The following ASH1L variants were observed in gnomAD, a reference collection of about 807,000 sequenced individuals.
ASH1L encodes the protein ASH1 like histone lysine methyltransferase, also known as histone-lysine N-methyltransferase ASH1L.
A neutral mutation model predicts 269.0 loss-of-function variants in ASH1L; 23 were observed. The observed-to-expected ratio is 0.09, with a 90% CI of 0.06 to 0.12. The LOEUF (loss-of-function observed/expected upper bound fraction) is 0.12, where lower values mean the gene tolerates loss of function less well. Among genes scored for constraint, ASH1L ranks in the 10% least tolerant of loss-of-function variants. The pLI is 1.00. For missense variants in ASH1L, 2,912 were observed against 3,567.8 expected, an observed-to-expected ratio of 0.82 and a Z score of 4.68; for synonymous variants, 1,187 against 1,253.5, an observed-to-expected ratio of 0.95 and a Z score of 1.12.
At chr1:155,562,836 TC>T (rs370662294), upstream of ASH1L, 1,776 of 401,088 alleles carry the variant, frequency 4.4e-3, 13 homozygotes, top group African/African-American at 0.033. Context: ...TCTTCTCTCC[TC>T]CCCCCCCTTC....
rs748191461 is a variant in ASH1L, at chr1:155,336,334, GGTGTGTGTGTGTGT to G, written c.*1312_*1325del. 9.4e-6 allele frequency: 1 copy of G among 106,324 alleles called. No individual in the cohort carries two copies. The highest frequency in any genetic ancestry group is 3.5e-4 in the South Asian group (1 of 2,844). The allele number at this position is 106,324 out of a possible 1,614,324, so 6.6% of individuals were successfully genotyped here. A position where few individuals can be genotyped will look rare whatever the true frequency, so the allele number is the denominator to read the frequency against. On this transcript the variant is annotated 3_prime_UTR_variant, in exon 28 of 28. Coordinates refer to ENST00000392403, the MANE Select transcript of ASH1L (RefSeq NM_018489.3). ...TGTATTGCTTACCAATCACACAGCA[GGTGTGTGTGTGTGT>G]GTGTATATATATACACACACACATA...
At chr1:155,422,504 TC>T (rs901244443) in intron 5 of ASH1L, among the ~76,000 whole-genome samples, 1 of 151,600 alleles carries the variant, frequency 6.6e-6, no homozygotes, top group Non-Finnish European at 1.5e-5. Flanking sequence ...TGCCTCTGCC[TC>T]CCAAAGTGGG....
intron 5 of ASH1L, among the ~76,000 whole-genome samples, chr1:155,417,506 CTG>C (rs1660312688): frequency 6.6e-6 from 1 of 152,136 alleles, no homozygotes; most frequent in Non-Finnish European, 1.5e-5. Context: ...TACCAGAAAA[CTG>C]TAACCTGAGC....
At chr1:155,541,838 G>T (rs1362698434) in intron 1 of ASH1L, among the ~76,000 whole-genome samples, 1 of 151,790 alleles carries the variant, frequency 6.6e-6, no homozygotes, top group Non-Finnish European at 1.5e-5. Flanking sequence ...TATTAAACTG[G>T]GAGGAAAGTA....
chr1:155,342,319 T>C (rs1464728850), intron 24 of ASH1L, among the ~76,000 whole-genome samples: 3 of 152,118 alleles, frequency 2.0e-5, no homozygotes, highest in Non-Finnish European at 4.4e-5. Context: ...TACAGCAGAA[T>C]GGATGGAAAT....
chr1:155,514,677 T>G (rs1668384358), intron 2 of ASH1L, among the ~76,000 whole-genome samples: 1 of 152,132 alleles, frequency 6.6e-6, no homozygotes, highest in South Asian at 2.1e-4. Context: ...AACAACGCAT[T>G]TGGCCCAGGA....
intron 1 of ASH1L, among the ~76,000 whole-genome samples, chr1:155,541,496 C>CA (rs1199797576): frequency 6.6e-6 from 1 of 151,878 alleles, no homozygotes; most frequent in African/African-American, 2.4e-5. Context: ...ACTAAAATCA[C>CA]AAAAAAATTA....
intron 10 of ASH1L, among the ~76,000 whole-genome samples, chr1:155,371,487 G>A (rs923802881): frequency 1.3e-5 from 2 of 152,122 alleles, no homozygotes; most frequent in East Asian, 1.9e-4. Flanking sequence ...GGTGGAGGTC[G>A]CAGTAAGCAG....
At chr1:155,461,726 AG>A (rs763447809) in intron 3 of ASH1L, among the ~76,000 whole-genome samples, 3 of 152,108 alleles carry the variant, frequency 2.0e-5, no homozygotes, top group Non-Finnish European at 4.4e-5. Flanking sequence ...ATAGTGGCCA[AG>A]AAGCCTGAGA....
intron 2 of ASH1L, among the ~76,000 whole-genome samples, chr1:155,497,089 A>G (rs924440408): frequency 4.0e-5 from 6 of 151,760 alleles, no homozygotes; most frequent in African/African-American, 1.2e-4. Flanking sequence ...AGTTGTGGCT[A>G]CTCTTGCTTA....
At chr1:155,555,768 G>A (rs1372645744) in intron 1 of ASH1L, among the ~76,000 whole-genome samples, 1 of 152,156 alleles carries the variant, frequency 6.6e-6, no homozygotes, top group Non-Finnish European at 1.5e-5. Flanking sequence ...TAAGTAATAT[G>A]GATTAGAAGT....
At chr1:155,363,392 C>T (rs1655136614) in intron 12 of ASH1L, among the ~76,000 whole-genome samples, 1 of 151,842 alleles carries the variant, frequency 6.6e-6, no homozygotes, top group Non-Finnish European at 1.5e-5. Context: ...CCTCCCACCT[C>T]GCCACCACGA....
At chr1:155,536,996 G>A (rs191762296) in intron 1 of ASH1L, among the ~76,000 whole-genome samples, 1 of 151,196 alleles carries the variant, frequency 6.6e-6, no homozygotes, top group Admixed American at 6.6e-5. Context: ...AGAGAGCCGA[G>A]GTCACACCAC....
At position 155,338,133 on chromosome 1, in the gene ASH1L, T is replaced by C; in HGVS notation, c.8759A>G (p.Asn2920Ser). 6.2e-7 allele frequency: 1 copy of C among 1,614,208 alleles called. No individual in the cohort carries two copies. The highest frequency in any genetic ancestry group is 1.1e-5 in the South Asian group (1 of 91,088). Residue 2920 changes from asparagine to serine, a missense_variant, in exon 27 of 28, where the codon AAC becomes AGC. By Grantham distance (46) the Asn-to-Ser change is conservative. Transcript: ENST00000392403. ...TTCAAGGAGATTGAGCAAGATCTGG[T>C]TGAGTCGTTCCCGTTGGTTATGCCG... ...ERRHNQRERL[N>S]QILLNLLEKI...
rs757773232 is a variant in ASH1L, at chr1:155,480,263, C to T, written c.2607G>A (p.Gln869=). 5 of 1,614,132 alleles carry T rather than the reference C, an allele frequency of 3.1e-6. No homozygotes were observed. The highest frequency in any genetic ancestry group is 4.2e-6 in the Non-Finnish European group (5 of 1,180,004). ...SKEEQEPPIL[Q]PEIEIPSFKQ... ...TGAAGGAAGGGATTTCAATTTCTGG[C>T]TGTAAAATTGGGGGTTCTTGTTCTT... The change falls in exon 3 of 28, where the codon CAG becomes CAA. Residue 869 remains glutamine, a synonymous_variant. Coordinates refer to ENST00000392403, the MANE Select transcript of ASH1L (RefSeq NM_018489.3).
chr1:155,477,667 TTTTTTC>T (rs1665660225), intron 3 of ASH1L, among the ~76,000 whole-genome samples: 1 of 152,144 alleles, frequency 6.6e-6, no homozygotes. Flanking sequence ...ATTTCTTTCT[TTTTTTC>T]TTTTTGACAA....
chr1:155,562,870 G>A (rs780688481), upstream of ASH1L: 111 of 247,282 alleles, frequency 4.5e-4, no homozygotes, highest in South Asian at 1.3e-3. Flanking sequence ...GCCACCAACC[G>A]CCGCCACGGC....
chr1:155,376,283 T>A (rs554878628), intron 10 of ASH1L, among the ~76,000 whole-genome samples: 1 of 152,216 alleles, frequency 6.6e-6, no homozygotes. Context: ...ACTGGCATGC[T>A]GAAGCAGGAA....
Position 155,337,673 on chromosome 1 carries a change from C to G in ASH1L, c.8882G>C (p.Ser2961Thr). The change falls in exon 28 of 28, where the codon AGC becomes ACC. Residue 2961 changes from serine (S) to threonine (T), a missense_variant. By Grantham distance (58) the Ser-to-Thr change is moderately conservative (BLOSUM62 1). Transcript: ENST00000392403. Reference sequence around the variant, plus strand: ...ATTCTTTGAGGGTCACTTTCGAAAGCTGTTTTCTGGGATAAACAAAGTACG... The same window carrying G: ...ATTCTTTGAGGGTCACTTTCGAAAGGTGTTTTCTGGGATAAACAAAGTACG... The part of the protein sequence containing the change: ...RRRTLFIPEN[S>T]FRK 1 of 1,613,768 alleles carries G rather than the reference C, an allele frequency of 6.2e-7. No homozygotes were observed. Among genetic ancestry groups the G allele is most frequent in the Non-Finnish European group, 8.5e-7 (1 of 1,179,700 alleles).
Sources: allele counts gnomAD v4.1 joint callset (sites outside exome capture counted in the v4.1 genomes callset), GRCh38; gene constraint gnomAD v4.1.1; transcripts MANE v1.5; gene names NCBI Gene and HGNC (gene_info 2026-07-23, HGNC 2026-07-21).